BTBD3: variants seen among roughly 807,000 people sequenced by gnomAD.
BTBD3 encodes the protein BTB/POZ domain-containing protein 3.
In BTBD3, 14 loss-of-function variants were observed where a neutral mutation model predicts 41.6. The ratio of observed to expected loss-of-function variants is 0.34; its 90% CI spans 0.22 to 0.53. The LOEUF is 0.53. BTBD3 is among the 20% of genes least tolerant of loss of function. BTBD3 has a pLI of 0.95. For missense variants in BTBD3, 426 were observed against 654.7 expected (o/e 0.65, Z 3.81); for synonymous variants, 249 against 233.7 (o/e 1.07, Z -0.60).
chr20:11,903,196 A>G (rs1037129951), intron 1 of BTBD3, among the ~76,000 whole-genome samples: 3 of 152,216 alleles, frequency 2.0e-5, no homozygotes, highest in South Asian at 4.1e-4. Context: ...ATCAAATGCC[A>G]TACTCTGTAG....
At position 11,925,401 on chromosome 20, in the gene BTBD3, C is replaced by T. The variant is rs1245434000; in HGVS notation, c.*1735C>T. The T allele has an allele frequency of 1.3e-5, 2 of 152,688 alleles. No individual in the cohort carries two copies. The highest frequency in any genetic ancestry group is 1.3e-4 in the Admixed American group (2 of 15,278). 9.5% of individuals were successfully genotyped at this position (152,688 alleles called of 1,614,324 possible). A position where few individuals can be genotyped will look rare whatever the true frequency, so the allele number is the denominator to read the frequency against. The stretch of plus-strand genomic sequence containing the variant: ...TAGATGTGGGCTTGTTGCCTTCAGC[C>T]GGCTTCCCTGAGGGAGGAGAACACT... On this transcript the variant is annotated 3_prime_UTR_variant, in exon 4 of 4. Coordinates refer to ENST00000378226, the MANE Select transcript of BTBD3 (RefSeq NM_014962.4).
intron 1 of BTBD3, chr20:11,891,177 AGG>A (rs748239370): frequency 6.3e-5 from 9 of 143,894 alleles, no homozygotes; most frequent in African/African-American, 1.6e-4. Context: ...TGGCTTTCCG[AGG>A]GGGGGGGGGT....
At chr20:11,916,055 A>G (rs1038448054), upstream of BTBD3, among the ~76,000 whole-genome samples, 1 of 152,150 alleles carries the variant, frequency 6.6e-6, no homozygotes, top group Non-Finnish European at 1.5e-5. Context: ...TTTTGTCTCC[A>G]TCCAGCTACC....
chr20:11,898,885 A>T (rs1445826449), intron 1 of BTBD3, among the ~76,000 whole-genome samples: 1 of 152,216 alleles, frequency 6.6e-6, no homozygotes, highest in Non-Finnish European at 1.5e-5. Flanking sequence ...CTGACAAAAA[A>T]GCCTGGCCAA....
At chr20:11,904,734 A>G (rs1320713875) in intron 1 of BTBD3, among the ~76,000 whole-genome samples, 2 of 152,238 alleles carry the variant, frequency 1.3e-5, no homozygotes, top group African/African-American at 2.4e-5. Context: ...AAACAGATGT[A>G]TAGCTGGAAA....
At chr20:11,900,025 TG>T (rs1325037888) in intron 1 of BTBD3, among the ~76,000 whole-genome samples, 1 of 152,252 alleles carries the variant, frequency 6.6e-6, no homozygotes, top group African/African-American at 2.4e-5. Flanking sequence ...TGTGTATATT[TG>T]ATCTCTCCTT....
rs2057021203 is a variant in BTBD3, at chr20:11,926,572, A to G, written c.*2906A>G. On this transcript the variant is annotated 3_prime_UTR_variant, in exon 4 of 4. Transcript: ENST00000378226. ...ACATGAATGTGTATAATCATGTTAA[A>G]TGCAAATAAAACTAGTTCATAGATT... The G allele has an allele frequency of 6.6e-6, 1 of 152,656 alleles. No individual in the cohort carries two copies. Among genetic ancestry groups the G allele is most frequent in the Non-Finnish European group, 1.5e-5 (1 of 68,046 alleles). 9.5% of individuals were successfully genotyped at this position (152,656 alleles called of 1,614,324 possible). A position where few individuals can be genotyped will look rare whatever the true frequency, so the allele number is the denominator to read the frequency against.
chr20:11,917,250 A>G (rs1487954292), upstream of BTBD3, among the ~76,000 whole-genome samples: 2 of 152,100 alleles, frequency 1.3e-5, no homozygotes, highest in Non-Finnish European at 2.9e-5. Context: ...AGTTTATCTT[A>G]TGCTTTAGTG....
At chr20:11,914,541 T>C (rs1037147915), upstream of BTBD3, among the ~76,000 whole-genome samples, 2 of 152,004 alleles carry the variant, frequency 1.3e-5, no homozygotes, top group African/African-American at 4.8e-5. Flanking sequence ...GAATTCTTGA[T>C]AGAAAATAAC....
At chr20:11,903,688 C>A (rs1242741488) in intron 1 of BTBD3, among the ~76,000 whole-genome samples, 1 of 152,014 alleles carries the variant, frequency 6.6e-6, no homozygotes, top group Non-Finnish European at 1.5e-5. Flanking sequence ...CTCACTGCAA[C>A]CTCCACCTCC....
In BTBD3 at chr20:11,918,877, G is replaced by A. The variant is rs2056941273; in HGVS notation, c.327-209G>A. ...TTATTTGTCCTTAGCTTTATTAAAA[G>A]TTTGTATAACTTTTATTTTAAACTT... On this transcript the variant is annotated intron_variant, in intron 1 of 3. Coordinates refer to ENST00000378226, the MANE Select transcript of BTBD3 (RefSeq NM_014962.4). 43 of 570,906 alleles carry A rather than the reference G, an allele frequency of 7.5e-5. 2 individuals carry two copies. In the South Asian group the frequency reaches 1.1e-3, roughly 15 times the overall value. 35.4% of individuals were successfully genotyped at this position (570,906 alleles called of 1,614,324 possible). A position where few individuals can be genotyped will look rare whatever the true frequency, so the allele number is the denominator to read the frequency against.
chr20:11,891,289 C>T (rs1288680971), intron 1 of BTBD3: 3 of 151,514 alleles, frequency 2.0e-5, no homozygotes, highest in Non-Finnish European at 4.4e-5. Flanking sequence ...CGCACGAGCC[C>T]GCCTGGCCGT....
rs762837488 is a variant in BTBD3, at chr20:11,922,658, C to T, written c.561C>T (p.Asp187=). 1 of 1,613,430 alleles carries T rather than the reference C, an allele frequency of 6.2e-7. No homozygotes were observed. The highest frequency in any genetic ancestry group is 1.7e-5 in the Admixed American group (1 of 59,962). ...GATATATCTATTGTGATGAAATTGA[C>T]TTGGCTGCTGACACAGTGCTGGCCA... The part of the protein sequence containing the change: ...MLKYIYCDEI[D]LAADTVLATL... The change falls in exon 4 of 4, where the codon GAC becomes GAT. Residue 187 remains aspartate, a synonymous_variant. Coordinates refer to ENST00000378226, the MANE Select transcript of BTBD3 (RefSeq NM_014962.4).
chr20:11,909,992 A>G (rs1474680102), intron 1 of BTBD3: 1 of 152,176 alleles, frequency 6.6e-6, no homozygotes, highest in Non-Finnish European at 1.5e-5. Flanking sequence ...TTAGTTGTGG[A>G]TGTTGGGGAA....
intron 1 of BTBD3, among the ~76,000 whole-genome samples, chr20:11,901,199 G>A (rs2056821938): frequency 6.6e-6 from 1 of 152,198 alleles, no homozygotes. Context: ...TCAGGCTACA[G>A]GGAACTGTTG....
rs1270075299 is a variant in BTBD3 at position 11,923,792 on chromosome 20, GT to G, written c.*128del. 19 of 956,332 alleles carry G rather than the reference GT, an allele frequency of 2.0e-5. No homozygotes were observed. Among genetic ancestry groups the G allele is most frequent in the South Asian group, 8.6e-5 (5 of 58,340 alleles). 59.2% of individuals were successfully genotyped at this position (956,332 alleles called of 1,614,324 possible). A position where few individuals can be genotyped will look rare whatever the true frequency, so the allele number is the denominator to read the frequency against. On this transcript the variant is annotated 3_prime_UTR_variant, in exon 4 of 4. Coordinates refer to ENST00000378226, the MANE Select transcript of BTBD3 (RefSeq NM_014962.4). This position sits in a 1 kb window ranked among gnomAD's most constrained non-coding sequence, Gnocchi z 5.3. Reference sequence around the variant, plus strand: ...TTGTAATGAATGAAGCGGTAGGCAGGTTCTAATTTCTTTTAACCTTTTAATT... The same window carrying G: ...TTGTAATGAATGAAGCGGTAGGCAGGTCTAATTTCTTTTAACCTTTTAATT...
At position 11,923,397 on chromosome 20, in the gene BTBD3, G is replaced by A; in HGVS notation, c.1300G>A (p.Val434Ile). 1 of 1,614,236 alleles carries A rather than the reference G, an allele frequency of 6.2e-7. No homozygotes were observed. Among genetic ancestry groups the A allele is most frequent in the Admixed American group, 1.7e-5 (1 of 60,028 alleles). ...GATTGAACTTAAGCGGCAGGGCGTT[G>A]TCCTGGGGCAGAACTTGAGCAAGTA... ...AKIELKRQGV[V>I]LGQNLSKYFS... Residue 434 changes from valine (V) to isoleucine (I), a missense_variant, in exon 4 of 4, where the codon GTC (valine) becomes ATC (isoleucine). This residue lies in a region of BTBD3 where 321 missense variants were observed against 534.8 expected (regional missense o/e 0.60). Coordinates refer to ENST00000378226, the MANE Select transcript of BTBD3 (RefSeq NM_014962.4). The surrounding 1 kb of genome is among the most constrained non-coding windows in gnomAD (Gnocchi z 5.3).
chr20:11,900,981 G>A (rs1439974963), intron 1 of BTBD3, among the ~76,000 whole-genome samples: 1 of 152,132 alleles, frequency 6.6e-6, no homozygotes, highest in Non-Finnish European at 1.5e-5. Context: ...AAAGTGCTGG[G>A]ATTACAGGCT....
intron 1 of BTBD3, among the ~76,000 whole-genome samples, chr20:11,891,866 C>G (rs2056756752): frequency 6.6e-6 from 1 of 152,052 alleles, no homozygotes; most frequent in African/African-American, 2.4e-5. Context: ...CGCCACCTCG[C>G]CAAATCCTGT....
Sources: allele counts gnomAD v4.1 joint callset (sites outside exome capture counted in the v4.1 genomes callset), GRCh38; gene constraint gnomAD v4.1.1; regional missense constraint gnomAD v4.1.1; non-coding constraint Gnocchi (gnomAD v3.1); transcripts MANE v1.5; gene names NCBI Gene and HGNC (gene_info 2026-07-23, HGNC 2026-07-21).